TDP1: variants seen among roughly 807,000 people sequenced by gnomAD.
TDP1 encodes tyrosyl-DNA phosphodiesterase 1.
A neutral mutation model predicts 81.5 loss-of-function variants in TDP1; 64 were observed. That is an observed-to-expected ratio of 0.79 (90% CI 0.64 to 0.97). TDP1 has a LOEUF of 0.97. Ranked by LOEUF, TDP1 falls within the 50% of genes least tolerant of loss-of-function variation. The pLI is 0.00. For synonymous variants in TDP1, 256 were observed against 264.3 expected (o/e 0.97, Z 0.30); for missense variants, 723 against 743.8 (o/e 0.97, Z 0.33).
At chr14:89,990,108 C>T (rs932851135) in intron 12 of TDP1, among the ~76,000 whole-genome samples, 1 of 152,196 alleles carries the variant, frequency 6.6e-6, no homozygotes, top group Non-Finnish European at 1.5e-5. Flanking sequence ...CTCATCTCTG[C>T]ATATCCTCCC....
Position 89,997,278 on chromosome 14 carries a change from G to A in TDP1, c.1541+3795G>A, listed in dbSNP as rs138272687. Among the ~76,000 whole-genome samples the A allele has an allele frequency of 5.3e-5, 8 of 152,316 alleles. No homozygotes were observed. The East Asian group carries it at 1.4e-3, about 26-fold the overall frequency. ...AGCATACCCTGGTGACTGGCCAGGTGCCTGACATGTGGAGGCTGATGAAGC... is the reference window on the plus strand; with the variant it reads ...AGCATACCCTGGTGACTGGCCAGGTACCTGACATGTGGAGGCTGATGAAGC... On this transcript the variant is annotated intron_variant, in intron 14 of 16. Coordinates refer to ENST00000335725, the MANE Select transcript of TDP1 (RefSeq NM_018319.4).
intron 13 of TDP1, among the ~76,000 whole-genome samples, chr14:89,992,325 C>T (rs1003477966): frequency 1.1e-4 from 17 of 152,234 alleles, no homozygotes; most frequent in African/African-American, 2.4e-4. Context: ...CTGTCTGTAC[C>T]GTCACACATG....
Position 89,987,876 on chromosome 14 carries a change from AT to A in TDP1, c.1132-1021del, listed in dbSNP as rs200847489. The stretch of plus-strand genomic sequence containing the variant: ...AGGGAAAAAATAATTGAAAAAATAC[AT>A]TTTTTTTAAAGAAATATGGGGGTAG... On this transcript the variant is annotated intron_variant, in intron 10 of 16. Transcript: ENST00000335725. Among the ~76,000 whole-genome samples the A allele has an allele frequency of 6.1e-3, 922 of 152,058 alleles. 6 individuals are homozygous for A. Among genetic ancestry groups the A allele is most frequent in the African/African-American group, 0.021 (881 of 41,472 alleles).
At chr14:89,970,069 G>C (rs1893432983) in intron 5 of TDP1, among the ~76,000 whole-genome samples, 1 of 151,276 alleles carries the variant, frequency 6.6e-6, no homozygotes, top group African/African-American at 2.4e-5. Context: ...GTAGAGACGG[G>C]GTTTCACCGT....
chr14:90,020,513 C>G (rs1371471525), intron 15 of TDP1, among the ~76,000 whole-genome samples: 1 of 43,350 alleles, frequency 2.3e-5, no homozygotes, highest in Non-Finnish European at 4.0e-5. Flanking sequence ...CCTTCCGTCC[C>G]TCCCTCCCTC....
At chr14:89,982,440 G>A (rs1895085308) in intron 8 of TDP1, among the ~76,000 whole-genome samples, 1 of 152,166 alleles carries the variant, frequency 6.6e-6, no homozygotes, top group South Asian at 2.1e-4. Context: ...AAGGCAATGA[G>A]ATTAATGTAG....
At chr14:90,002,099 G>A (rs569250679) in intron 14 of TDP1, among the ~76,000 whole-genome samples, 73 of 152,186 alleles carry the variant, frequency 4.8e-4, no homozygotes, top group Non-Finnish European at 4.4e-5. Context: ...AAAATAAATG[G>A]TATATAAAGA....
chr14:90,009,568 A>G (rs1566903899), intron 14 of TDP1, among the ~76,000 whole-genome samples: 2 of 152,212 alleles, frequency 1.3e-5, no homozygotes, highest in East Asian at 3.8e-4. Flanking sequence ...TCTTATTGAA[A>G]GCACATAATA....
intron 16 of TDP1, among the ~76,000 whole-genome samples, chr14:90,040,545 C>G (rs763237710): frequency 1.1e-4 from 17 of 152,364 alleles, no homozygotes; most frequent in Non-Finnish European, 2.4e-4. Context: ...GTCTTCCCCA[C>G]TGGACTAGAA....
At chr14:90,042,959 A>G (rs1888507340) in intron 16 of TDP1, 111 bp from the exon 17 acceptor site, 2 of 1,577,960 alleles carry the variant, frequency 1.3e-6, no homozygotes, top group Non-Finnish European at 1.7e-6. Flanking sequence ...TTCAGAAAAT[A>G]CTCTACCACA....
rs752947240 is a variant in TDP1 at position 89,991,992 on chromosome 14, T to G, written c.1433+9T>G. 1.9e-6 allele frequency: 3 copies of G among 1,610,548 alleles called. No homozygotes were observed. Among genetic ancestry groups the G allele is most frequent in the Admixed American group, 1.7e-5 (1 of 59,994 alleles). On this transcript the variant is annotated intron_variant, in intron 13 of 16. Transcript: ENST00000335725. The stretch of plus-strand genomic sequence containing the variant: ...CTGCATTCCTATTTTCAGTAAGTAA[T>G]TGGTTTAGACTGCTGCTATTGCTTC...
chr14:90,018,894 A>C (rs1474624935), intron 14 of TDP1: 1 of 908,340 alleles, frequency 1.1e-6, no homozygotes, highest in Non-Finnish European at 1.3e-6. Context: ...TGGCAAAAAA[A>C]CTGAAAAAGG....
intron 2 of TDP1, chr14:89,957,208 A>T (rs1566834833): frequency 6.6e-6 from 1 of 152,180 alleles, no homozygotes; most frequent in Non-Finnish European, 1.5e-5. Flanking sequence ...TACTTATAAA[A>T]TGTAATGAAT....
intron 16 of TDP1, among the ~76,000 whole-genome samples, chr14:90,038,693 C>T (rs1179390872): frequency 6.6e-6 from 1 of 152,108 alleles, no homozygotes; most frequent in African/African-American, 2.4e-5. Flanking sequence ...CAGAATGTAG[C>T]TGGGTGTGGT....
intron 16 of TDP1, among the ~76,000 whole-genome samples, chr14:90,035,067 T>G (rs1278833421): frequency 6.6e-6 from 1 of 151,778 alleles, no homozygotes; most frequent in Admixed American, 6.6e-5. Context: ...GAACCAAGCC[T>G]CCTCTGTCCC....
chr14:89,984,020 TCA>T, intron 8 of TDP1: 1 of 671,686 alleles, frequency 1.5e-6, no homozygotes, highest in Non-Finnish European at 1.8e-6. Context: ...AATAGATTTT[TCA>T]CATGCACTTT....
At chr14:90,024,135 C>T (rs1254003297) in intron 15 of TDP1, among the ~76,000 whole-genome samples, 4 of 152,156 alleles carry the variant, frequency 2.6e-5, no homozygotes, top group Non-Finnish European at 5.9e-5. Flanking sequence ...TGCTGGAGAT[C>T]CTGTAAGGTA....
intron 6 of TDP1, among the ~76,000 whole-genome samples, chr14:89,972,041 T>C (rs17126513): frequency 0.056 from 8,559 of 152,270 alleles, 516 homozygotes; most frequent in African/African-American, 0.15. Context: ...TAAGTGGTCT[T>C]GTAACAGGCA....
chr14:89,979,520 C>A (rs1300895379), intron 7 of TDP1, among the ~76,000 whole-genome samples: 2 of 152,014 alleles, frequency 1.3e-5, no homozygotes, highest in Non-Finnish European at 2.9e-5. Flanking sequence ...TGTTGGCAAG[C>A]CTGGTCTCAA....
Sources: gnomAD v4.1 joint callset for allele counts (sites outside exome capture counted in the v4.1 genomes callset) on GRCh38, gnomAD v4.1.1 for gene constraint, MANE v1.5 for transcripts, NCBI Gene and HGNC (gene_info 2026-07-23, HGNC 2026-07-21) for gene names.